Variants in LONRF1 observed in about 807,000 individuals in gnomAD.
The protein encoded by LONRF1 is LON peptidase N-terminal domain and ring finger 1.
LONRF1 carries 37 observed loss-of-function variants against 85.8 expected under a neutral mutation model. That is an observed-to-expected ratio of 0.43 (90% CI 0.33 to 0.57). LONRF1 has a LOEUF of 0.57. Among genes scored for constraint, LONRF1 ranks in the 20% least tolerant of loss-of-function variants. The pLI, the probability that LONRF1 is intolerant of heterozygous loss-of-function variation, is 0.04. For missense variants in LONRF1, 1,036 were observed against 978.0 expected, an observed-to-expected ratio of 1.06 and a Z score of -0.79; for synonymous variants, 517 against 390.1, an observed-to-expected ratio of 1.33 and a Z score of -3.83.
intron 8 of LONRF1, among the ~76,000 whole-genome samples, chr8:12,729,661 ATC>A (rs1208605935): frequency 2.0e-5 from 3 of 152,142 alleles, no homozygotes; most frequent in African/African-American, 4.8e-5. Context: ...TTATATTAAA[ATC>A]TGTTTTAAAT....
chr8:12,738,069 T>C lies in LONRF1; in HGVS notation c.1039A>G (p.Thr347Ala), dbSNP rs1286091099. Residue 347 changes from threonine to alanine, a missense_variant, in exon 4 of 12, where the codon ACT (threonine) becomes GCT (alanine). By Grantham distance (58) the Thr-to-Ala change is moderately conservative (BLOSUM62 0). This residue lies in a region of LONRF1 where 742 missense variants were observed against 614.4 expected (regional missense o/e 1.21). Transcript: ENST00000398246. ...KESSWSSLPC[T>A]KNRPFDFHSV... is the part of the protein sequence containing the mutation. The stretch of plus-strand genomic sequence containing the variant: ...TGAAAATCAAAAGGTCTGTTTTTAG[T>C]ACATGGTAATGAACTCCAGGAAGAT... 1.9e-6 allele frequency: 3 copies of C among 1,610,456 alleles called. No individual in the cohort carries two copies. Among genetic ancestry groups the C allele is most frequent in the Non-Finnish European group, 8.5e-7 (1 of 1,178,336 alleles).
intron 1 of LONRF1, among the ~76,000 whole-genome samples, chr8:12,746,749 G>A (rs546204131): frequency 2.0e-5 from 3 of 152,254 alleles, no homozygotes; most frequent in Admixed American, 2.0e-4. Flanking sequence ...AAGAGTATAT[G>A]CAGCTTGCCC....
rs573765062 is a variant in LONRF1, at chr8:12,722,005, G to A, written c.*1091C>T. 1 of 152,682 alleles carries A rather than the reference G, an allele frequency of 6.5e-6. No individual in the cohort carries two copies. Among genetic ancestry groups the A allele is most frequent in the Admixed American group, 6.5e-5 (1 of 15,290 alleles). The allele number at this position is 152,682 out of a possible 1,614,324, so 9.5% of individuals were successfully genotyped here. ...ACATAAAAGAAAGTTAATAAGGACAGTCACAAATTTGCAACAAATAATTAC... is the reference window on the plus strand; with the variant it reads ...ACATAAAAGAAAGTTAATAAGGACAATCACAAATTTGCAACAAATAATTAC... On this transcript the variant is annotated 3_prime_UTR_variant, in exon 12 of 12. Transcript: ENST00000398246.
chr8:12,731,782 A>T lies in LONRF1; in HGVS notation c.1642T>A (p.Ser548Thr), dbSNP rs562224527. The stretch of plus-strand genomic sequence containing the variant: ...TCATCATATATTTTTTTTCTCTCAG[A>T]CAGTTCATCAGGCAGATACTTCACT... ...LIVKYLPDEL[S>T]ERKKIYDEET... The change falls in exon 8 of 12, where the codon TCT becomes ACT. Residue 548 changes from serine to threonine, a missense_variant. Coordinates refer to ENST00000398246, the MANE Select transcript of LONRF1 (RefSeq NM_152271.5). The T allele has an allele frequency of 1.2e-5, 19 of 1,613,146 alleles. No homozygotes were observed. In the Admixed American group the frequency reaches 2.2e-4, roughly 18 times the overall value.
chr8:12,723,218 G>C lies in LONRF1; in HGVS notation c.2200C>G (p.Leu734Val). The C allele has an allele frequency of 6.2e-7, 1 of 1,613,962 alleles. No individual in the cohort carries two copies. The highest frequency in any genetic ancestry group is 1.3e-5 in the African/African-American group (1 of 75,032). ...CGTGGGTCTACAGGGAGAACTGCAA[G>C]AAGCCACCAACACCATGCAGGTCCA... ...PNGPAWCWWL[L>V]AVLPVDPRYQ... The change falls in exon 12 of 12, where the codon CTT becomes GTT. Residue 734 changes from leucine (L) to valine (V), a missense_variant. Leu to Val is a conservative substitution (Grantham distance 32, BLOSUM62 1). Coordinates refer to ENST00000398246, the MANE Select transcript of LONRF1 (RefSeq NM_152271.5).
intron 1 of LONRF1, among the ~76,000 whole-genome samples, chr8:12,746,834 C>T (rs1457969250): frequency 3.9e-5 from 6 of 152,108 alleles, no homozygotes; most frequent in Non-Finnish European, 8.8e-5. Context: ...TAGCTGTTTA[C>T]CTCCATGCTA....
At chr8:12,728,516 A>T (rs572418664) in intron 10 of LONRF1, among the ~76,000 whole-genome samples, 1 of 152,224 alleles carries the variant, frequency 6.6e-6, no homozygotes, top group Admixed American at 6.5e-5. Flanking sequence ...CTACTAATAC[A>T]TTCAATAAAA....
In LONRF1 at chr8:12,728,197, A is replaced by G. The variant is rs116860754; in HGVS notation, c.2010+704T>C. Among the ~76,000 whole-genome samples, 425 of 152,336 alleles carry G rather than the reference A, an allele frequency of 2.8e-3. 2 individuals carry two copies. The highest frequency in any genetic ancestry group is 4.5e-3 in the Non-Finnish European group (306 of 68,024). ...CCTTCAATTTGGTATTTGTAGCATC[A>G]TAAGTCACTTTTCCGGTTCCTAAAC... On this transcript the variant is annotated intron_variant, in intron 10 of 11. Coordinates refer to ENST00000398246, the MANE Select transcript of LONRF1 (RefSeq NM_152271.5).
chr8:12,727,189 C>G (rs1420701355), intron 10 of LONRF1: 1 of 147,192 alleles, frequency 6.8e-6, no homozygotes, highest in East Asian at 2.1e-4. Flanking sequence ...ATGACAGGCT[C>G]TGGTAAACAA....
intron 1 of LONRF1, chr8:12,753,057 G>A (rs1799473052): frequency 6.6e-6 from 1 of 152,216 alleles, no homozygotes; most frequent in Non-Finnish European, 1.5e-5. Context: ...CTGTACAACT[G>A]AGTCCAGTTT....
At chr8:12,731,316 T>C (rs1189341030) in intron 8 of LONRF1, among the ~76,000 whole-genome samples, 1 of 152,148 alleles carries the variant, frequency 6.6e-6, no homozygotes, top group African/African-American at 2.4e-5. Context: ...ATCTCAAAGT[T>C]TGGAAAGCCC....
intron 8 of LONRF1, 25 bp from the exon 9 acceptor site, chr8:12,729,357 T>C: frequency 6.2e-7 from 1 of 1,607,420 alleles, no homozygotes; most frequent in Non-Finnish European, 8.5e-7. Flanking sequence ...GTTTAATTAT[T>C]AGAATTCATA....
At chr8:12,735,538 G>A (rs1563143080) in intron 6 of LONRF1, 138 bp from the exon 7 acceptor site, 1 of 609,606 alleles carries the variant, frequency 1.6e-6, no homozygotes, top group Non-Finnish European at 2.9e-6. Context: ...GGAGAGAAAG[G>A]GCAGTGATAA....
At chr8:12,751,294 A>ATGTTTTTTTTTTGTTTG (rs1554469320) in intron 1 of LONRF1, among the ~76,000 whole-genome samples, 1 of 84,810 alleles carries the variant, frequency 1.2e-5, no homozygotes, top group East Asian at 3.9e-4. Flanking sequence ...TTTTATTTTT[A>ATGTTTTTTTTTTGTTTG]TGTTTTTTTT....
At chr8:12,746,837 C>T (rs1338197634) in intron 1 of LONRF1, among the ~76,000 whole-genome samples, 1 of 152,116 alleles carries the variant, frequency 6.6e-6, no homozygotes, top group Non-Finnish European at 1.5e-5. Flanking sequence ...CTGTTTACCT[C>T]CATGCTATTA....
chr8:12,740,728 T>C lies in LONRF1; in HGVS notation c.963+146A>G, dbSNP rs1798900049. 9.7e-6 allele frequency: 10 copies of C among 1,034,894 alleles called. No individual in the cohort carries two copies. The South Asian group carries it at 1.7e-4, about 17-fold the overall frequency. 64.1% of individuals were successfully genotyped at this position (1,034,894 alleles called of 1,614,324 possible). On this transcript the variant is annotated intron_variant, in intron 3 of 11. Coordinates refer to ENST00000398246, the MANE Select transcript of LONRF1 (RefSeq NM_152271.5). ...ACTCAATATAATACGTACATGAACC[T>C]GAAAACCACTCAAATTATCACATTT...
In LONRF1 at chr8:12,755,297, C is replaced by T. The variant is rs1308078530; in HGVS notation, c.124G>A (p.Ala42Thr). ...AGCTCCCAGCGCTCCGACTCCGCGG[C>T]CGCGCGCTCCAGCCGATGGCCGCTG... Reference protein sequence around the residue: ...GGSGHRLERAAAESERWELLL... With the variant: ...GGSGHRLERATAESERWELLL... The change falls in exon 1 of 12, where the codon GCC becomes ACC. Residue 42 changes from alanine to threonine, a missense_variant. Physicochemically the swap from Ala to Thr is moderately conservative, Grantham distance 58. This residue lies in a region of LONRF1 where 742 missense variants were observed against 614.4 expected (regional missense o/e 1.21). Coordinates refer to ENST00000398246, the MANE Select transcript of LONRF1 (RefSeq NM_152271.5). 2 of 1,248,348 alleles carry T rather than the reference C, an allele frequency of 1.6e-6. No homozygotes were observed. The highest frequency in any genetic ancestry group is 1.6e-5 in the African/African-American group (1 of 63,380). 77.3% of individuals were successfully genotyped at this position (1,248,348 alleles called of 1,614,324 possible).
rs1344127790 is a variant in LONRF1, at chr8:12,731,986, G to A, written c.1567-129C>T. 24 of 866,154 alleles carry A rather than the reference G, an allele frequency of 2.8e-5. 1 individual carries two copies. In the South Asian group the frequency reaches 4.5e-4, roughly 16 times the overall value. 53.7% of individuals were successfully genotyped at this position (866,154 alleles called of 1,614,324 possible). On this transcript the variant is annotated intron_variant, in intron 7 of 11. Coordinates refer to ENST00000398246, the MANE Select transcript of LONRF1 (RefSeq NM_152271.5). ...CATCAATTCTGGATTAATTAGTGAG[G>A]GGAACATTACAATGGATGATGCTAA...
rs796316853 is a variant in LONRF1, at chr8:12,747,803, C to A, written c.722-4521G>T. 1.3e-4 allele frequency among the ~76,000 whole-genome samples: 19 copies of A among 150,634 alleles called. 1 individual carries two copies. The South Asian group carries it at 3.6e-3, about 28-fold the overall frequency. On this transcript the variant is annotated intron_variant, in intron 1 of 11. Coordinates refer to ENST00000398246, the MANE Select transcript of LONRF1 (RefSeq NM_152271.5). ...AAACTGGCTCATTTCAGTTCAAATT[C>A]AAAGTTCAGTTTGATTATGTGGCAC...
Sources: allele counts gnomAD v4.1 joint callset (sites outside exome capture counted in the v4.1 genomes callset), GRCh38; gene constraint gnomAD v4.1.1; regional missense constraint gnomAD v4.1.1; transcripts MANE v1.5; gene names NCBI Gene and HGNC (gene_info 2026-07-23, HGNC 2026-07-21).